Variants in CHD1 observed in about 807,000 individuals in gnomAD.
CHD1 encodes the protein chromodomain helicase DNA binding protein 1.
A neutral mutation model predicts 224.2 loss-of-function variants in CHD1; 36 were observed. That is an observed-to-expected ratio of 0.16 (90% CI 0.12 to 0.21). The LOEUF (loss-of-function observed/expected upper bound fraction) is 0.21, where lower values mean the gene tolerates loss of function less well. Among genes scored for constraint, CHD1 ranks in the 10% least tolerant of loss-of-function variants. The pLI, the probability that CHD1 is intolerant of heterozygous loss-of-function variation, is 1.00. For missense variants in CHD1, 1,378 were observed against 1,994.8 expected (o/e 0.69, Z 5.89); for synonymous variants, 668 against 658.3 (o/e 1.01, Z -0.23).
chr5:98,915,368 C>A (rs921557095), intron 2 of CHD1, among the ~76,000 whole-genome samples: 15 of 152,008 alleles, frequency 9.9e-5, no homozygotes, highest in Admixed American at 6.5e-4. Context: ...AAGTTTCTAA[C>A]TGAAGAAATT....
chr5:98,909,616 C>A (rs772936547), intron 2 of CHD1, among the ~76,000 whole-genome samples: 4 of 152,130 alleles, frequency 2.6e-5, no homozygotes, highest in Non-Finnish European at 4.4e-5. Flanking sequence ...TTCTTCATTA[C>A]ACTTCTGTAA....
At chr5:98,859,234 ATTGAC>A (rs1748284059) in intron 33 of CHD1, among the ~76,000 whole-genome samples, 1 of 152,144 alleles carries the variant, frequency 6.6e-6, no homozygotes, top group Non-Finnish European at 1.5e-5. Context: ...TTTGAAATAA[ATTGAC>A]TTAACAGAAA....
In CHD1 at chr5:98,928,691, G is replaced by A. The variant is rs75400039; in HGVS notation, c.-301C>T. On this transcript the variant is annotated 5_prime_UTR_variant, in exon 1 of 36. Transcript: ENST00000614616. The stretch of plus-strand genomic sequence containing the variant: ...AGGGGGAAGGGGACAGACGCGGAGG[G>A]GAAGGGGAAGCCCCGGTCCGCAGCA... 0.06 allele frequency: 9,197 copies of A among 153,404 alleles called. 308 individuals carry two copies. The highest frequency in any genetic ancestry group is 0.12 in the South Asian group (600 of 5,210). The allele number at this position is 153,404 out of a possible 1,614,324, so 9.5% of individuals were successfully genotyped here. A position where few individuals can be genotyped will look rare whatever the true frequency, so the allele number is the denominator to read the frequency against.
intron 12 of CHD1, 102 bp downstream of exon 12, chr5:98,896,124 C>CA: frequency 4.1e-6 from 4 of 975,030 alleles, no homozygotes; most frequent in Non-Finnish European, 6.4e-6. Context: ...CACTGCACTC[C>CA]AGCCTGGGAG....
At chr5:98,916,064 T>G (rs1048219330) in intron 2 of CHD1, among the ~76,000 whole-genome samples, 10 of 151,912 alleles carry the variant, frequency 6.6e-5, no homozygotes, top group Non-Finnish European at 1.3e-4. Context: ...TGGTGGCACA[T>G]GCCTGTAATC....
intron 18 of CHD1, 114 bp downstream of exon 18, chr5:98,885,464 A>C: frequency 1.4e-6 from 1 of 716,290 alleles, no homozygotes; most frequent in Non-Finnish European, 2.4e-6. Context: ...GGTGGCTAAC[A>C]CCACTCTTTT....
chr5:98,899,403 T>C, intron 8 of CHD1, 77 bp downstream of exon 8: 2 of 901,752 alleles, frequency 2.2e-6, no homozygotes, highest in Admixed American at 2.3e-5. Context: ...TTAATGTTAC[T>C]ATGTATTCTT....
intron 2 of CHD1, among the ~76,000 whole-genome samples, chr5:98,908,000 T>C (rs1223623250): frequency 6.6e-6 from 1 of 152,188 alleles, no homozygotes; most frequent in Non-Finnish European, 1.5e-5. Context: ...GTAATTTTAT[T>C]TCCACCTACT....
rs780369983 is a variant in CHD1, at chr5:98,856,342, TAAAAG to T, written c.*33_*37del. ...ACTGTGTTGGTTTATGATATATGGC[TAAAAG>T]AAAAGTCCAGAAAGACGAAGTATCA... On this transcript the variant is annotated 3_prime_UTR_variant, in exon 36 of 36. Coordinates refer to ENST00000614616, the MANE Select transcript of CHD1 (RefSeq NM_001270.4). 42 of 1,513,574 alleles carry T rather than the reference TAAAAG, an allele frequency of 2.8e-5. No homozygotes were observed. The highest frequency in any genetic ancestry group is 4.6e-5 in the South Asian group (4 of 86,968). The allele number at this position is 1,513,574 out of a possible 1,614,324, so 93.8% of individuals were successfully genotyped here.
At chr5:98,909,723 GAGTTAAATCGCC>G (rs1561538249) in intron 2 of CHD1, among the ~76,000 whole-genome samples, 2 of 152,122 alleles carry the variant, frequency 1.3e-5, no homozygotes, top group Admixed American at 1.3e-4. Context: ...TTTTCAAAAT[GAGTTAAATCGCC>G]AGCATCCTTC....
intron 30 of CHD1, 29 bp downstream of exon 30, chr5:98,869,725 A>G: frequency 1.9e-6 from 3 of 1,607,788 alleles, no homozygotes; most frequent in Non-Finnish European, 2.5e-6. Flanking sequence ...TTCCATAGAA[A>G]AGGTTGTTGT....
chr5:98,860,392 GAT>G, intron 32 of CHD1: 1 of 323,166 alleles, frequency 3.1e-6, no homozygotes, highest in Non-Finnish European at 5.9e-6. Flanking sequence ...TTCATATTGT[GAT>G]CCTGATTATG....
In CHD1 at chr5:98,863,542, A is replaced by C; in HGVS notation, c.4293T>G (p.Leu1431=). The C allele has an allele frequency of 6.2e-7, 1 of 1,609,086 alleles. No individual in the cohort carries two copies. Among genetic ancestry groups the C allele is most frequent in the South Asian group, 1.1e-5 (1 of 90,024 alleles). Residue 1431 remains leucine, a synonymous_variant, in exon 32 of 36, where the codon CTT becomes CTG. Transcript: ENST00000614616. ...MRPVKAALKQ[L]DRPEKGLSER... is the part of the protein sequence containing the mutation. ...CTGAAAGGCCTTTCTCAGGCCTATC[A>C]AGTTGTTTCAAAGCTGCTTTAACAG... is the stretch of plus-strand genomic sequence containing the variant.
chr5:98,857,855 T>C (rs1175684499), intron 35 of CHD1, among the ~76,000 whole-genome samples: 1 of 152,106 alleles, frequency 6.6e-6, no homozygotes, highest in Non-Finnish European at 1.5e-5. Context: ...ATCAAGCTTT[T>C]ATCCCACTTA....
chr5:98,866,634 T>C (rs180850821), intron 31 of CHD1, among the ~76,000 whole-genome samples: 1 of 152,232 alleles, frequency 6.6e-6, no homozygotes, highest in East Asian at 1.9e-4. Context: ...GTATGTTAAC[T>C]GCTCCAACTA....
chr5:98,920,001 C>A (rs1049833237), intron 2 of CHD1, among the ~76,000 whole-genome samples: 2 of 151,920 alleles, frequency 1.3e-5, no homozygotes, highest in African/African-American at 4.8e-5. Flanking sequence ...TACGAGCCAA[C>A]CTAAAAAAGC....
intron 2 of CHD1, among the ~76,000 whole-genome samples, chr5:98,925,950 G>A (rs769532095): frequency 2.0e-5 from 3 of 151,378 alleles, no homozygotes; most frequent in Non-Finnish European, 4.4e-5. Flanking sequence ...AGGTATAGAA[G>A]ACAAAATGCC....
Position 98,856,575 on chromosome 5 carries a change from A to AC in CHD1, c.4937dup (p.Ser1646ArgfsTer3), listed in dbSNP as rs774671099. ...AAGATTTATGGTGCGTATATTCAGAACTTGACCGGTGGTCTGAATGTAACC... is the reference window on the plus strand; with the variant it reads ...AAGATTTATGGTGCGTATATTCAGAACCTTGACCGGTGGTCTGAATGTAACC... On this transcript the variant is annotated frameshift_variant, in exon 36 of 36. Transcript: ENST00000614616. LOFTEE classifies it high-confidence loss of function. 6.2e-7 allele frequency: 1 copy of AC among 1,613,756 alleles called. No individual in the cohort carries two copies. Among genetic ancestry groups the AC allele is most frequent in the South Asian group, 1.1e-5 (1 of 91,076 alleles).
At chr5:98,927,637 T>C (rs573355958) in intron 1 of CHD1, among the ~76,000 whole-genome samples, 1 of 152,302 alleles carries the variant, frequency 6.6e-6, no homozygotes, top group South Asian at 2.1e-4. Flanking sequence ...TAAATATTAA[T>C]CTCAACCCTA....
Sources: gnomAD v4.1 joint callset for allele counts (sites outside exome capture counted in the v4.1 genomes callset) on GRCh38, gnomAD v4.1.1 for gene constraint, MANE v1.5 for transcripts, NCBI Gene and HGNC (gene_info 2026-07-23, HGNC 2026-07-21) for gene names.